USH2A: variants seen among roughly 807,000 people sequenced by gnomAD.
The protein encoded by USH2A is Usher syndrome 2A (autosomal recessive, mild).
In USH2A, 443 loss-of-function variants were observed where a neutral mutation model predicts 538.9. The observed-to-expected ratio is 0.82, with a 90% CI of 0.76 to 0.89. USH2A has a LOEUF of 0.89. Among genes scored for constraint, USH2A ranks in the 40% least tolerant of loss-of-function variants. The pLI, the probability that USH2A is intolerant of heterozygous loss-of-function variation, is 0.00. For missense variants in USH2A, 6,633 were observed against 6,324.8 expected, an observed-to-expected ratio of 1.05 and a Z score of -1.65; for synonymous variants, 2,413 against 2,273.5, an observed-to-expected ratio of 1.06 and a Z score of -1.75.
intron 11 of USH2A, among the ~76,000 whole-genome samples, chr1:216,258,608 T>A (rs1571630514): frequency 6.6e-6 from 1 of 152,184 alleles, no homozygotes; most frequent in East Asian, 1.9e-4. Flanking sequence ...CATCTGGGAT[T>A]TCTCTCCCTA....
At chr1:215,978,622 G>T (rs6676430) in intron 35 of USH2A, among the ~76,000 whole-genome samples, 1 of 152,060 alleles carries the variant, frequency 6.6e-6, no homozygotes, top group Non-Finnish European at 1.5e-5. Flanking sequence ...CAATTCAAGG[G>T]TTAAACAAGG....
intron 14 of USH2A, among the ~76,000 whole-genome samples, chr1:216,230,520 AT>A (rs1401593505): frequency 6.6e-6 from 1 of 152,160 alleles, no homozygotes; most frequent in African/African-American, 2.4e-5. Flanking sequence ...ATTTTAAATG[AT>A]TTTTGTAGTT....
intron 50 of USH2A, among the ~76,000 whole-genome samples, chr1:215,795,687 T>C (rs1248462501): frequency 6.6e-6 from 1 of 152,166 alleles, no homozygotes; most frequent in Non-Finnish European, 1.5e-5. Context: ...CTATCTTTAA[T>C]AGACCTGTTA....
At chr1:215,876,122 G>T (rs975886470) in intron 43 of USH2A, among the ~76,000 whole-genome samples, 2 of 151,818 alleles carry the variant, frequency 1.3e-5, no homozygotes, top group Non-Finnish European at 2.9e-5. Flanking sequence ...AAAAATAAAT[G>T]AATTTATTCT....
At chr1:215,786,508 A>G (rs141289562) in intron 52 of USH2A, among the ~76,000 whole-genome samples, 162 bp downstream of exon 52, 5 of 152,322 alleles carry the variant, frequency 3.3e-5, no homozygotes, top group Admixed American at 2.6e-4. Flanking sequence ...ATACATCCAG[A>G]TTATGCCTTT....
chr1:215,895,531 C>G (rs1050304133), intron 40 of USH2A, among the ~76,000 whole-genome samples: 4 of 152,150 alleles, frequency 2.6e-5, no homozygotes, highest in Non-Finnish European at 5.9e-5. Context: ...CCTCACATTG[C>G]CTTTCTGTCT....
intron 13 of USH2A, among the ~76,000 whole-genome samples, chr1:216,236,836 A>G (rs563573787): frequency 6.6e-6 from 1 of 152,320 alleles, no homozygotes; most frequent in South Asian, 2.1e-4. Flanking sequence ...TAATATGCTC[A>G]TGTAAGGGAA....
At chr1:215,970,894 C>G in intron 35 of USH2A, 118 bp from the exon 36 acceptor site, 2 of 925,454 alleles carry the variant, frequency 2.2e-6, no homozygotes, top group Non-Finnish European at 3.3e-6. Context: ...ATCACAGACT[C>G]TGGTATTTCT....
chr1:215,741,346 C>A (rs1248448261), intron 60 of USH2A, 29 bp downstream of exon 60: 1 of 1,611,018 alleles, frequency 6.2e-7, no homozygotes, highest in Non-Finnish European at 8.5e-7. Flanking sequence ...TCTTAAATAA[C>A]TAAAAATAAT....
In USH2A at chr1:215,892,271, A is replaced by G. The variant is rs114368583; in HGVS notation, c.7595-3217T>C. 9.9e-3 allele frequency among the ~76,000 whole-genome samples: 1,513 copies of G among 152,228 alleles called. 22 individuals are homozygous for G. The highest frequency in any genetic ancestry group is 0.035 in the African/African-American group (1,439 of 41,542). On this transcript the variant is annotated intron_variant, in intron 40 of 71. Transcript: ENST00000307340. The stretch of plus-strand genomic sequence containing the variant: ...TACTTGTTTGCTATTCGAGTTACCC[A>G]TGACTGATCAGTCAGTTTTCTTGTT...
At chr1:215,694,639 A>G (rs139607663) in intron 61 of USH2A, among the ~76,000 whole-genome samples, 51 of 152,320 alleles carry the variant, frequency 3.3e-4, no homozygotes, top group African/African-American at 1.2e-3. Context: ...GCTACTCAAG[A>G]GAGAAAAATG....
At chr1:216,396,021 G>A (rs1447690302) in intron 3 of USH2A, among the ~76,000 whole-genome samples, 1 of 152,150 alleles carries the variant, frequency 6.6e-6, no homozygotes, top group Non-Finnish European at 1.5e-5. Context: ...TACACTAGTA[G>A]AGATGTCCCC....
intron 9 of USH2A, among the ~76,000 whole-genome samples, chr1:216,299,451 T>G (rs576432402): frequency 6.6e-6 from 1 of 152,246 alleles, no homozygotes; most frequent in African/African-American, 2.4e-5. Flanking sequence ...GAGACAGGTT[T>G]ACTAATAATA....
intron 61 of USH2A, among the ~76,000 whole-genome samples, chr1:215,710,926 A>G (rs979120006): frequency 1.3e-5 from 2 of 151,876 alleles, no homozygotes; most frequent in Non-Finnish European, 2.9e-5. Context: ...TGCTGGCTCC[A>G]TTTCTTCTAT....
At chr1:216,189,633 T>G (rs1359220994) in intron 20 of USH2A, among the ~76,000 whole-genome samples, 1 of 151,988 alleles carries the variant, frequency 6.6e-6, no homozygotes, top group African/African-American at 2.4e-5. Context: ...TATTTAAATT[T>G]TATTAACTTA....
intron 21 of USH2A, among the ~76,000 whole-genome samples, chr1:216,104,455 C>G (rs1421398455): frequency 6.6e-6 from 1 of 152,048 alleles, no homozygotes; most frequent in Non-Finnish European, 1.5e-5. Flanking sequence ...TTTTCTTAAT[C>G]CAGTCTGTCA....
At chr1:215,704,746 C>G (rs1376374954) in intron 61 of USH2A, among the ~76,000 whole-genome samples, 1 of 152,152 alleles carries the variant, frequency 6.6e-6, no homozygotes, top group Non-Finnish European at 1.5e-5. Context: ...CCCTTCTATG[C>G]CTGGAAAGGA....
At chr1:216,055,444 G>A (rs370581389) in intron 30 of USH2A, among the ~76,000 whole-genome samples, 2 of 152,184 alleles carry the variant, frequency 1.3e-5, no homozygotes, top group African/African-American at 4.8e-5. Context: ...TCCCGCTGCA[G>A]TGCTGATAAA....
chr1:216,121,825 A>G (rs1290773100), intron 21 of USH2A, among the ~76,000 whole-genome samples: 1 of 152,224 alleles, frequency 6.6e-6, no homozygotes, highest in Admixed American at 6.5e-5. Flanking sequence ...GTGCTTCATT[A>G]TAACAGTGGA....
Sources: allele counts gnomAD v4.1 joint callset (sites outside exome capture counted in the v4.1 genomes callset), GRCh38; gene constraint gnomAD v4.1.1; transcripts MANE v1.5; gene names NCBI Gene and HGNC (gene_info 2026-07-23, HGNC 2026-07-21).